CCDC63: variants seen among roughly 807,000 people sequenced by gnomAD.
The protein encoded by CCDC63 is coiled-coil domain-containing protein 63.
A neutral mutation model predicts 63.6 loss-of-function variants in CCDC63; 54 were observed. The observed-to-expected ratio is 0.85, with a 90% confidence interval of 0.68 to 1.07. The LOEUF (loss-of-function observed/expected upper bound fraction) is 1.07. Ranked by LOEUF, CCDC63 falls within the 50% of genes least tolerant of loss-of-function variation. The pLI is 0.00. For synonymous variants in CCDC63, 253 were observed against 266.1 expected (o/e 0.95, Z 0.48); for missense variants, 637 against 689.6 (o/e 0.92, Z 0.86).
At chr12:110,887,035 G>C (rs1455212884) in intron 8 of CCDC63, among the ~76,000 whole-genome samples, 1 of 152,126 alleles carries the variant, frequency 6.6e-6, no homozygotes, top group Non-Finnish European at 1.5e-5. Flanking sequence ...CACACACTTG[G>C]ACTAGAGGAG....
chr12:110,904,279 C>T (rs1039611460), intron 10 of CCDC63, among the ~76,000 whole-genome samples: 6 of 150,890 alleles, frequency 4.0e-5, no homozygotes, highest in African/African-American at 7.3e-5. Context: ...AGTTTGAGGT[C>T]GCAGTGAGCC....
chr12:110,850,613 T>C (rs2070694415), intron 1 of CCDC63, among the ~76,000 whole-genome samples: 1 of 152,148 alleles, frequency 6.6e-6, no homozygotes, highest in African/African-American at 2.4e-5. Context: ...TGGTGGTGCA[T>C]GCCTGTAATC....
intron 11 of CCDC63, among the ~76,000 whole-genome samples, chr12:110,906,642 CACACATGCACACA>C (rs1021855525): frequency 6.6e-6 from 1 of 151,944 alleles, no homozygotes; most frequent in East Asian, 1.9e-4. Context: ...CGTGCACACA[CACACATGCACACA>C]ACACATGCAC....
chr12:110,877,298 C>A (rs1270016586), intron 5 of CCDC63, among the ~76,000 whole-genome samples: 1 of 150,858 alleles, frequency 6.6e-6, no homozygotes, highest in Non-Finnish European at 1.5e-5. Flanking sequence ...CTACAACCTT[C>A]ACCTCCCAGG....
upstream of CCDC63, among the ~76,000 whole-genome samples, chr12:110,846,427 G>A (rs1214258157): frequency 2.0e-5 from 3 of 152,120 alleles, no homozygotes; most frequent in Admixed American, 6.5e-5. Context: ...GGGTTCCCGT[G>A]TTATGCTCAC....
rs1161457965 is a variant in CCDC63, at chr12:110,867,790, C to T, written c.370-6052C>T. Among the ~76,000 whole-genome samples, 804 of 142,916 alleles carry T rather than the reference C, an allele frequency of 5.6e-3. 6 individuals are homozygous for T. Among genetic ancestry groups the T allele is most frequent in the Non-Finnish European group, 8.9e-3 (559 of 62,658 alleles). 93.8% of individuals were successfully genotyped at this position (142,916 alleles called of 152,430 possible). ...CTCCCTCCCGGACGGGGTGGCTGGC[C>T]GGGCTGAGGGGCTCCTCACTTCCCA... is the stretch of plus-strand genomic sequence containing the variant. On this transcript the variant is annotated intron_variant, in intron 4 of 11. Coordinates refer to ENST00000308208, the MANE Select transcript of CCDC63 (RefSeq NM_152591.3).
At chr12:110,860,262 T>A (rs1263655636) in intron 4 of CCDC63, among the ~76,000 whole-genome samples, 1 of 152,190 alleles carries the variant, frequency 6.6e-6, no homozygotes, top group African/African-American at 2.4e-5. Context: ...TGCAGCCAGG[T>A]CAGCCTGTTG....
intron 1 of CCDC63, among the ~76,000 whole-genome samples, chr12:110,850,792 C>T (rs1185779148): frequency 6.6e-6 from 1 of 152,168 alleles, no homozygotes; most frequent in Non-Finnish European, 1.5e-5. Context: ...CAGTCTTTTA[C>T]AGATCTCTTT....
chr12:110,872,425 C>T (rs1227197436), intron 4 of CCDC63, among the ~76,000 whole-genome samples: 1 of 152,224 alleles, frequency 6.6e-6, no homozygotes, highest in Non-Finnish European at 1.5e-5. Context: ...TGCAGGCTGA[C>T]TGTATCCACA....
intron 5 of CCDC63, among the ~76,000 whole-genome samples, chr12:110,879,115 A>G (rs559742055): frequency 7.2e-4 from 109 of 152,340 alleles, no homozygotes; most frequent in Non-Finnish European, 1.5e-3. Flanking sequence ...TTTCACAGTC[A>G]TAAGACCAGT....
At chr12:110,871,235 G>T (rs1158645258) in intron 4 of CCDC63, among the ~76,000 whole-genome samples, 2 of 151,860 alleles carry the variant, frequency 1.3e-5, no homozygotes, top group African/African-American at 4.8e-5. Flanking sequence ...TCCGCCTCCC[G>T]GGTTCATGCC....
intron 4 of CCDC63, among the ~76,000 whole-genome samples, chr12:110,871,349 G>A (rs2071063464): frequency 6.6e-6 from 1 of 152,084 alleles, no homozygotes; most frequent in South Asian, 2.1e-4. Flanking sequence ...CACCGTGTTA[G>A]CTAGGATGGT....
chr12:110,864,494 T>TGGGAGGATCACCTGAGGTC (rs2070911584), intron 4 of CCDC63, among the ~76,000 whole-genome samples: 1 of 148,200 alleles, frequency 6.7e-6, no homozygotes, highest in South Asian at 2.1e-4. Context: ...GAGGCTGCGG[T>TGGGAGGATCACCTGAGGTC]GGGAGGATCA....
At chr12:110,905,974 A>ATAT (rs1253378680) in intron 11 of CCDC63, among the ~76,000 whole-genome samples, 3 of 59,666 alleles carry the variant, frequency 5.0e-5, no homozygotes, top group African/African-American at 2.5e-4. Flanking sequence ...ATATTATATA[A>ATAT]AATATATATT....
In CCDC63 at chr12:110,900,890, G is replaced by A. The variant is rs560380367; in HGVS notation, c.1342+1765G>A. Among the ~76,000 whole-genome samples, 7 of 152,214 alleles carry A rather than the reference G, an allele frequency of 4.6e-5. No homozygotes were observed. In the South Asian group the frequency reaches 8.3e-4, roughly 18 times the overall value. ...TGGGATTACAGGCGTGAGCCACTGC[G>A]CCCAGCCAAACATCAGATTCTTAGT... is the stretch of plus-strand genomic sequence containing the variant. On this transcript the variant is annotated intron_variant, in intron 10 of 11. Coordinates refer to ENST00000308208, the MANE Select transcript of CCDC63 (RefSeq NM_152591.3).
chr12:110,858,765 T>C lies in CCDC63; in HGVS notation c.359T>C (p.Leu120Pro), dbSNP rs990452388. 1.9e-6 allele frequency: 3 copies of C among 1,613,382 alleles called. 1 individual carries two copies. Among genetic ancestry groups the C allele is most frequent in the Non-Finnish European group, 2.5e-6 (3 of 1,179,710 alleles). Residue 120 changes from leucine to proline, a missense_variant, in exon 4 of 12, where the codon CTG becomes CCG. Physicochemically the swap from Leu to Pro is moderately conservative, Grantham distance 98. Coordinates refer to ENST00000308208, the MANE Select transcript of CCDC63 (RefSeq NM_152591.3). ...TCCCTGAAAGTGCTGTTGGCTGAAC[T>C]GGATGAGAAGGTGTGGTCTTTCTCT... ...IKSLKVLLAE[L>P]DEKILQMEKK...
At chr12:110,868,819 T>G (rs150367247) in intron 4 of CCDC63, among the ~76,000 whole-genome samples, 1 of 149,628 alleles carries the variant, frequency 6.7e-6, no homozygotes, top group Non-Finnish European at 1.5e-5. Flanking sequence ...AAGCCACTCT[T>G]TAGTTGGGCT....
At chr12:110,853,666 G>C in intron 3 of CCDC63, 92 bp downstream of exon 3, 1 of 1,448,794 alleles carries the variant, frequency 6.9e-7, no homozygotes, top group African/African-American at 1.4e-5. Flanking sequence ...GTGACCCCTG[G>C]GGCAGGGAGC....
chr12:110,859,217 A>G (rs1336798170), intron 4 of CCDC63, among the ~76,000 whole-genome samples: 1 of 152,204 alleles, frequency 6.6e-6, no homozygotes, highest in Non-Finnish European at 1.5e-5. Context: ...AATAGCCACC[A>G]TCTTGAACAT....
Sources: gnomAD v4.1 joint callset for allele counts (sites outside exome capture counted in the v4.1 genomes callset) on GRCh38, gnomAD v4.1.1 for gene constraint, MANE v1.5 for transcripts, NCBI Gene and HGNC (gene_info 2026-07-23, HGNC 2026-07-21) for gene names.